The following NDST3 variants were observed in gnomAD, a reference collection of about 807,000 sequenced individuals.
NDST3 encodes the protein N-deacetylase and N-sulfotransferase 3, also known as bifunctional heparan sulfate N-deacetylase/N-sulfotransferase 3.
Under a neutral mutation model 96.1 loss-of-function variants are expected in NDST3, and 58 were observed. That is an observed-to-expected ratio of 0.60 (90% CI 0.49 to 0.75). NDST3 has a LOEUF of 0.75. Among genes scored for constraint, NDST3 ranks in the 30% least tolerant of loss-of-function variants. NDST3 has a pLI of 0.00. For synonymous variants in NDST3, 333 were observed against 359.7 expected, an observed-to-expected ratio of 0.93 and a Z score of 0.84; for missense variants, 788 against 1,034.2, an observed-to-expected ratio of 0.76 and a Z score of 3.27.
At chr4:118,086,601 T>C (rs930274468) in intron 2 of NDST3, among the ~76,000 whole-genome samples, 1 of 152,150 alleles carries the variant, frequency 6.6e-6, no homozygotes, top group African/African-American at 2.4e-5. Context: ...TCACATTTAG[T>C]GTCAAAGTAA....
intron 6 of NDST3, among the ~76,000 whole-genome samples, chr4:118,179,386 GAGGTTTGCAAAAATT>G (rs1736461245): frequency 1.3e-5 from 2 of 151,930 alleles, no homozygotes; most frequent in African/African-American, 4.8e-5. Context: ...TCTATAAATT[GAGGTTTGCAAAAATT>G]AGGTTTTTTT....
intron 6 of NDST3, among the ~76,000 whole-genome samples, chr4:118,179,044 C>T (rs1736437540): frequency 6.6e-6 from 1 of 151,946 alleles, no homozygotes; most frequent in South Asian, 2.1e-4. Flanking sequence ...AAGAGGAACT[C>T]CAACTTTAGA....
At chr4:118,098,817 T>C (rs991159551) in intron 2 of NDST3, among the ~76,000 whole-genome samples, 1 of 152,096 alleles carries the variant, frequency 6.6e-6, no homozygotes, top group Non-Finnish European at 1.5e-5. Context: ...GTGAAGTTAC[T>C]ATAATACAGC....
At chr4:118,254,069 C>A (rs1470039635) in intron 13 of NDST3, among the ~76,000 whole-genome samples, 4 of 151,912 alleles carry the variant, frequency 2.6e-5, no homozygotes, top group Admixed American at 2.6e-4. Flanking sequence ...GATAAAACCC[C>A]ATCTCTACTA....
intron 2 of NDST3, among the ~76,000 whole-genome samples, chr4:118,097,757 C>G (rs929668185): frequency 1.3e-5 from 2 of 151,868 alleles, no homozygotes; most frequent in Admixed American, 1.3e-4. Flanking sequence ...AGATTCAAAA[C>G]AGTTTATGAA....
chr4:118,149,855 C>T (rs1446712984), intron 6 of NDST3, among the ~76,000 whole-genome samples: 5 of 152,058 alleles, frequency 3.3e-5, no homozygotes, highest in Middle Eastern at 3.2e-3. Context: ...GGAATGCTTC[C>T]AGTTTTTGCC....
At chr4:118,161,925 T>A (rs1735176943) in intron 6 of NDST3, among the ~76,000 whole-genome samples, 1 of 152,148 alleles carries the variant, frequency 6.6e-6, no homozygotes, top group African/African-American at 2.4e-5. Context: ...ATGAACCCGG[T>A]ACCTCAGATG....
At position 118,255,623 on chromosome 4, in the gene NDST3, G is replaced by GATCAC. The variant is rs1742074200; in HGVS notation, c.2535_2539dup (p.Asn847IlefsTer21). The GATCAC allele has an allele frequency of 6.2e-7, 1 of 1,613,566 alleles. No homozygotes were observed. On this transcript the variant is annotated frameshift_variant, in exon 14 of 14. Transcript: ENST00000296499. LOFTEE classifies it high-confidence loss of function. The stretch of plus-strand genomic sequence containing the variant: ...GACATTTCTGTCAAGCTACTATCGA[G>GATCAC]ATCACAACGTGGAACTCTCAAAGCT...
intron 6 of NDST3, among the ~76,000 whole-genome samples, chr4:118,170,324 T>G (rs1312118833): frequency 2.0e-5 from 3 of 152,220 alleles, no homozygotes; most frequent in African/African-American, 7.2e-5. Flanking sequence ...ATATAAAAAA[T>G]GTACTTATTC....
At chr4:118,099,194 A>G (rs1048648484) in intron 2 of NDST3, among the ~76,000 whole-genome samples, 1 of 152,098 alleles carries the variant, frequency 6.6e-6, no homozygotes, top group Non-Finnish European at 1.5e-5. Context: ...TTATTACTGC[A>G]TAGTAATCAA....
chr4:118,109,791 AT>A (rs1730496863), intron 3 of NDST3, among the ~76,000 whole-genome samples: 1 of 152,210 alleles, frequency 6.6e-6, no homozygotes, highest in African/African-American at 2.4e-5. Context: ...CTATAAAAAA[AT>A]TCTATCCATT....
intron 1 of NDST3, among the ~76,000 whole-genome samples, chr4:118,040,810 G>A (rs1302958336): frequency 2.0e-5 from 3 of 149,054 alleles, no homozygotes; most frequent in Non-Finnish European, 4.4e-5. Flanking sequence ...AGCCTCCCAA[G>A]TAGCTGGGAC....
chr4:118,226,922 T>C lies in NDST3; in HGVS notation c.1759T>C (p.Ser587Pro), dbSNP rs1380872525. 1.1e-5 allele frequency: 17 copies of C among 1,613,590 alleles called. No individual in the cohort carries two copies. In the Admixed American group the frequency reaches 2.5e-4, roughly 24 times the overall value. The change falls in exon 8 of 14, where the codon TCT becomes CCT. Residue 587 changes from serine to proline, a missense_variant. Ser to Pro is a moderately conservative substitution (Grantham distance 74). This residue lies in a region of NDST3 where 490 missense variants were observed against 708.8 expected (regional missense o/e 0.69). Transcript: ENST00000296499. The stretch of plus-strand genomic sequence containing the variant: ...TGACAAACGCCACAGAGACATTTGG[T>C]CTAAAGAAAAAACTTGTGATCGCTT... ...CDDKRHRDIW[S>P]KEKTCDRLPK...
intron 6 of NDST3, among the ~76,000 whole-genome samples, chr4:118,144,365 G>A (rs186146674): frequency 6.6e-5 from 10 of 152,066 alleles, no homozygotes; most frequent in Admixed American, 6.5e-4. Context: ...TATTTTTAGT[G>A]GAGACGAGGC....
chr4:118,079,141 A>T (rs77811172), intron 2 of NDST3, among the ~76,000 whole-genome samples: 9,213 of 152,296 alleles, frequency 0.06, 322 homozygotes, highest in Middle Eastern at 0.082. Context: ...GCATTGTTCT[A>T]GGAGCTGGTG....
At chr4:118,239,433 A>G (rs571934693) in intron 10 of NDST3, among the ~76,000 whole-genome samples, 1 of 152,290 alleles carries the variant, frequency 6.6e-6, no homozygotes, top group East Asian at 1.9e-4. Context: ...CCACCATTCT[A>G]TACTAATCAT....
rs1032763570 is a variant in NDST3, at chr4:118,255,017, T to C, written c.2503-576T>C. Among the ~76,000 whole-genome samples the C allele has an allele frequency of 1.6e-4, 24 of 152,352 alleles. No homozygotes were observed. The East Asian group carries it at 4.4e-3, about 28-fold the overall frequency. On this transcript the variant is annotated intron_variant, in intron 13 of 13. Coordinates refer to ENST00000296499, the MANE Select transcript of NDST3 (RefSeq NM_004784.3). ...CCAAAAGAAATTGACATACAATTTCTATAGTATTTCAAGAAAGTAATATAA... is the reference window on the plus strand; with the variant it reads ...CCAAAAGAAATTGACATACAATTTCCATAGTATTTCAAGAAAGTAATATAA...
chr4:118,088,867 G>A (rs1366548540), intron 2 of NDST3, among the ~76,000 whole-genome samples: 2 of 151,784 alleles, frequency 1.3e-5, no homozygotes, highest in Non-Finnish European at 2.9e-5. Flanking sequence ...GACCGTTGCT[G>A]GCTCTCTGAT....
At chr4:118,229,005 A>G (rs1456303194) in intron 8 of NDST3, among the ~76,000 whole-genome samples, 1 of 152,244 alleles carries the variant, frequency 6.6e-6, no homozygotes, top group Non-Finnish European at 1.5e-5. Context: ...ACTTTTGTCA[A>G]AAGTATTTTT....
Sources: gnomAD v4.1 joint callset for allele counts (sites outside exome capture counted in the v4.1 genomes callset) on GRCh38, gnomAD v4.1.1 for gene constraint, gnomAD v4.1.1 regional missense constraint, MANE v1.5 for transcripts, NCBI Gene and HGNC (gene_info 2026-07-23, HGNC 2026-07-21) for gene names.